THOC7: variants seen among roughly 807,000 people sequenced by gnomAD.
THOC7 encodes NIF3L1-binding protein 1.
A neutral mutation model predicts 33.1 loss-of-function variants in THOC7; 22 were observed. The observed-to-expected ratio is 0.66, with a 90% CI of 0.47 to 0.95. The LOEUF (loss-of-function observed/expected upper bound fraction) is 0.95, where lower values mean the gene tolerates loss of function less well. Among genes scored for constraint, THOC7 ranks in the 40% least tolerant of loss-of-function variants. The pLI is 0.00. For missense variants in THOC7, 184 were observed against 245.3 expected, an observed-to-expected ratio of 0.75 and a Z score of 1.67; for synonymous variants, 77 against 76.8, an observed-to-expected ratio of 1.00 and a Z score of -0.01.
chr3:63,837,896 T>C, intron 4 of THOC7, 80 bp downstream of exon 4: 1 of 1,300,452 alleles, frequency 7.7e-7, no homozygotes. Flanking sequence ...CTGCAGATTT[T>C]ACCTCACAAC....
chr3:63,848,799 A>C (rs1185333211), intron 1 of THOC7, among the ~76,000 whole-genome samples: 1 of 152,122 alleles, frequency 6.6e-6, no homozygotes, highest in East Asian at 1.9e-4. Flanking sequence ...TGTTTTTTTT[A>C]ATATTTTGTT....
chr3:63,861,284 T>C (rs535676449), intron 1 of THOC7, among the ~76,000 whole-genome samples: 2 of 152,150 alleles, frequency 1.3e-5, no homozygotes, highest in Non-Finnish European at 2.9e-5. Context: ...TCTGTCCCTA[T>C]CTCCCATCTG....
intron 1 of THOC7, among the ~76,000 whole-genome samples, chr3:63,859,908 G>A (rs1427269488): frequency 2.0e-5 from 3 of 152,226 alleles, no homozygotes; most frequent in Admixed American, 1.3e-4. Flanking sequence ...AAAAAACCCT[G>A]ATTTGAATCA....
At chr3:63,849,466 C>T (rs554541451) in intron 1 of THOC7, among the ~76,000 whole-genome samples, 2 of 152,272 alleles carry the variant, frequency 1.3e-5, no homozygotes, top group African/African-American at 4.8e-5. Context: ...CTGGCAGGCC[C>T]ATGAACCTCA....
At chr3:63,852,722 G>T (rs994639765) in intron 1 of THOC7, among the ~76,000 whole-genome samples, 1 of 152,166 alleles carries the variant, frequency 6.6e-6, no homozygotes, top group Non-Finnish European at 1.5e-5. Context: ...AGATTCATGG[G>T]CCAGAATTTT....
intron 1 of THOC7, among the ~76,000 whole-genome samples, chr3:63,856,858 C>T (rs1702125120): frequency 6.6e-6 from 1 of 152,100 alleles, no homozygotes; most frequent in Non-Finnish European, 1.5e-5. Context: ...GCTGGGACTA[C>T]AGGCGCCCGC....
intron 1 of THOC7, chr3:63,845,214 G>T: frequency 4.2e-6 from 2 of 472,440 alleles, no homozygotes; most frequent in Non-Finnish European, 3.8e-6. Flanking sequence ...TGGCTTTGGG[G>T]GTATCAAGAT....
At chr3:63,859,216 A>C (rs868852324) in intron 1 of THOC7, among the ~76,000 whole-genome samples, 7 of 152,232 alleles carry the variant, frequency 4.6e-5, no homozygotes, top group South Asian at 4.1e-4. Context: ...GCCTTCCTAG[A>C]ATCCATTTTT....
At chr3:63,856,670 C>G (rs900314654) in intron 1 of THOC7, among the ~76,000 whole-genome samples, 1 of 152,054 alleles carries the variant, frequency 6.6e-6, no homozygotes, top group African/African-American at 2.4e-5. Flanking sequence ...CTAAGGACTG[C>G]TTTAGATGCT....
chr3:63,855,765 G>A (rs2107160983), intron 1 of THOC7, among the ~76,000 whole-genome samples: 1 of 152,294 alleles, frequency 6.6e-6, no homozygotes, highest in East Asian at 1.9e-4. Flanking sequence ...TTTGAGGGAA[G>A]GCTGCAATCT....
intron 1 of THOC7, among the ~76,000 whole-genome samples, chr3:63,862,637 G>A (rs532145332): frequency 2.0e-5 from 3 of 152,144 alleles, no homozygotes; most frequent in South Asian, 4.2e-4. Flanking sequence ...TGGAAATTTG[G>A]GCCTATCACT....
chr3:63,849,512 C>T (rs1444678770), intron 1 of THOC7, among the ~76,000 whole-genome samples: 3 of 151,724 alleles, frequency 2.0e-5, no homozygotes, highest in African/African-American at 7.3e-5. Context: ...CTGATGTGTG[C>T]CTTCATTTGG....
intron 2 of THOC7, among the ~76,000 whole-genome samples, 175 bp from the exon 3 acceptor site, chr3:63,838,674 T>C (rs2107123713): frequency 6.6e-6 from 1 of 152,346 alleles, no homozygotes; most frequent in South Asian, 2.1e-4. Flanking sequence ...AAATGTAGTA[T>C]TCTTGAATTT....
chr3:63,843,129 T>C (rs2107134829), intron 1 of THOC7, among the ~76,000 whole-genome samples: 1 of 150,940 alleles, frequency 6.6e-6, no homozygotes, highest in South Asian at 2.1e-4. Flanking sequence ...TGTTTGTTTG[T>C]TTGTTTGGAG....
At chr3:63,860,727 T>C (rs1476453985) in intron 1 of THOC7, 1 of 152,218 alleles carries the variant, frequency 6.6e-6, no homozygotes, top group Non-Finnish European at 1.5e-5. Context: ...CTAATCTCAA[T>C]GTTCTTTTTG....
chr3:63,837,499 T>G (rs1488226421), intron 4 of THOC7, among the ~76,000 whole-genome samples: 2 of 152,088 alleles, frequency 1.3e-5, no homozygotes, highest in East Asian at 1.9e-4. Context: ...TTATTAGATA[T>G]TCTAGGCAGT....
At chr3:63,850,599 T>C (rs1701999350) in intron 1 of THOC7, among the ~76,000 whole-genome samples, 1 of 144,606 alleles carries the variant, frequency 6.9e-6, no homozygotes, top group Admixed American at 6.9e-5. Flanking sequence ...TTTTTTTTTT[T>C]TTTTTTGAGA....
chr3:63,844,451 C>T (rs558598025), intron 1 of THOC7, among the ~76,000 whole-genome samples: 3 of 152,282 alleles, frequency 2.0e-5, no homozygotes, highest in African/African-American at 7.2e-5. Flanking sequence ...TCCAACACAT[C>T]ATACTGTACA....
At chr3:63,841,240 G>A (rs917607241) in intron 1 of THOC7, among the ~76,000 whole-genome samples, 3 of 152,168 alleles carry the variant, frequency 2.0e-5, no homozygotes, top group Non-Finnish European at 2.9e-5. Flanking sequence ...ACACATGCAT[G>A]TGTGTATTCA....
Sources: gnomAD v4.1 joint callset for allele counts (sites outside exome capture counted in the v4.1 genomes callset) on GRCh38, gnomAD v4.1.1 for gene constraint, MANE v1.5 for transcripts, NCBI Gene and HGNC (gene_info 2026-07-23, HGNC 2026-07-21) for gene names.